The following STRN4 variants were observed in gnomAD, a reference collection of about 807,000 sequenced individuals.
STRN4 encodes striatin 4.
In STRN4, 27 loss-of-function variants were observed where a neutral mutation model predicts 77.9. The ratio of observed to expected loss-of-function variants is 0.35; its 90% CI spans 0.26 to 0.48. The LOEUF (loss-of-function observed/expected upper bound fraction) is 0.48. Ranked by LOEUF, STRN4 falls within the 20% of genes least tolerant of loss-of-function variation. The pLI is 0.99. For missense variants in STRN4, 798 were observed against 1,049.7 expected (o/e 0.76, Z 3.31); for synonymous variants, 466 against 443.1 (o/e 1.05, Z -0.65).
At chr19:46,730,897 G>GT in intron 5 of STRN4, 24 bp from the exon 6 acceptor site, 1 of 1,607,832 alleles carries the variant, frequency 6.2e-7, no homozygotes, top group Admixed American at 1.7e-5. Flanking sequence ...CAGAGCAGAG[G>GT]AGGCATGAGT....
intron 3 of STRN4, 143 bp from the exon 4 acceptor site, chr19:46,737,044 C>A: frequency 1.5e-6 from 1 of 654,774 alleles, no homozygotes; most frequent in East Asian, 3.2e-5. Context: ...TGGAACCCTG[C>A]TCTCTTCCCT....
chr19:46,734,660 C>T (rs527252673), intron 4 of STRN4, among the ~76,000 whole-genome samples: 84 of 152,152 alleles, frequency 5.5e-4, no homozygotes, highest in Non-Finnish European at 9.7e-4. Context: ...GAGAGATGTT[C>T]GTAACTCTTT....
intron 16 of STRN4, 155 bp downstream of exon 16, chr19:46,721,831 G>A (rs1599855932): frequency 1.4e-6 from 1 of 724,004 alleles, no homozygotes; most frequent in Non-Finnish European, 2.3e-6. Context: ...CCAGCGGACT[G>A]TGCTGCCCCC....
intron 6 of STRN4, 47 bp from the exon 7 acceptor site, chr19:46,728,824 A>G (rs1176959313): frequency 1.2e-6 from 2 of 1,604,082 alleles, no homozygotes; most frequent in Non-Finnish European, 1.7e-6. Flanking sequence ...TCTTGTCCAG[A>G]GACTAAGCCA....
intron 6 of STRN4, among the ~76,000 whole-genome samples, chr19:46,729,146 T>G (rs1385277927): frequency 6.6e-6 from 1 of 152,218 alleles, no homozygotes; most frequent in African/African-American, 2.4e-5. Flanking sequence ...TGAGGATGAA[T>G]GGACCACAGC....
rs1250614707 is a variant in STRN4, at chr19:46,733,311, G to A, written c.540-75C>T. 1.3e-5 allele frequency: 19 copies of A among 1,462,594 alleles called. No individual in the cohort carries two copies. The Middle Eastern group carries it at 6.8e-4, about 53-fold the overall frequency. The allele number at this position is 1,462,594 out of a possible 1,614,324, so 90.6% of individuals were successfully genotyped here. On this transcript the variant is annotated intron_variant, in intron 4 of 17. Transcript: ENST00000263280. This position sits in a 1 kb window ranked among gnomAD's most constrained non-coding sequence, Gnocchi z 4.3. ...TGTACCACAGGGGCCAATGCAAACC[G>A]AGACAACCTCTTAAGGGGCCACTTA...
chr19:46,736,842 C>T lies in STRN4; in HGVS notation c.520G>A (p.Gly174Arg). ...ACTCACTGTCGGAGAAGCTGCCGCC[C>T]CTCCTTCCACACCAACGGGCTGTTC... is the stretch of plus-strand genomic sequence containing the variant. ...LENSPLVWKE[G>R]RQLLRQYLEE... Residue 174 changes from glycine (G) to arginine (R), a missense_variant, in exon 4 of 18, where the codon GGG becomes AGG. Gly to Arg is a moderately radical substitution (Grantham distance 125). This residue lies in a region of STRN4 where 511 missense variants were observed against 575.9 expected (regional missense o/e 0.89). Coordinates refer to ENST00000263280, the MANE Select transcript of STRN4 (RefSeq NM_013403.3). 1.2e-6 allele frequency: 2 copies of T among 1,613,382 alleles called. No individual in the cohort carries two copies. Among genetic ancestry groups the T allele is most frequent in the Non-Finnish European group, 1.7e-6 (2 of 1,179,636 alleles).
chr19:46,720,638 A>G lies in STRN4; in HGVS notation c.2226T>C (p.Ser742=). ...CCTTGGCCAGGGCATCAGCGCCAGC[A>G]CTGGCAATGAGGGCCTTGCTGGGGT... The part of the protein sequence containing the change: ...ACHPSKALIA[S]AGADALAKVF... The change falls in exon 17 of 18, where the codon AGT becomes AGC. Residue 742 remains serine, a synonymous_variant. Transcript: ENST00000263280. The G allele has an allele frequency of 6.2e-7, 1 of 1,606,842 alleles. No individual in the cohort carries two copies. Among genetic ancestry groups the G allele is most frequent in the Non-Finnish European group, 8.5e-7 (1 of 1,175,920 alleles).
chr19:46,722,578 C>T (rs1356584965), intron 14 of STRN4, among the ~76,000 whole-genome samples: 1 of 152,200 alleles, frequency 6.6e-6, no homozygotes, highest in Non-Finnish European at 1.5e-5. Context: ...GCCACTCTAC[C>T]AAGAGGGCCC....
At chr19:46,742,764 T>C (rs918908074) in intron 1 of STRN4, among the ~76,000 whole-genome samples, 1 of 152,202 alleles carries the variant, frequency 6.6e-6, no homozygotes, top group Non-Finnish European at 1.5e-5. Flanking sequence ...GGTTTCACCA[T>C]ATCGGCCACG....
In STRN4 at chr19:46,730,786, G is replaced by A. The variant is rs898959364; in HGVS notation, c.825C>T (p.Asp275=). Residue 275 remains aspartate, a synonymous_variant, in exon 6 of 18, where the codon GAC becomes GAT. Coordinates refer to ENST00000263280, the MANE Select transcript of STRN4 (RefSeq NM_013403.3). ...IPFLQNCEDE[D]SDEDDELDSV... Reference sequence around the variant, plus strand: ...TGTCCAGCTCATCGTCCTCGTCGCTGTCTTCGTCCTCGCAGTTCTGCAGGA... The same window carrying A: ...TGTCCAGCTCATCGTCCTCGTCGCTATCTTCGTCCTCGCAGTTCTGCAGGA... 2 of 1,613,042 alleles carry A rather than the reference G, an allele frequency of 1.2e-6. No individual in the cohort carries two copies. Among genetic ancestry groups the A allele is most frequent in the Non-Finnish European group, 8.5e-7 (1 of 1,180,014 alleles).
intron 7 of STRN4, 53 bp downstream of exon 7, chr19:46,728,565 C>CA: frequency 6.3e-7 from 1 of 1,584,076 alleles, no homozygotes; most frequent in Non-Finnish European, 8.6e-7. Flanking sequence ...AGCCTGCTCC[C>CA]ACCCCCTCGG....
chr19:46,743,942 T>TAAAC (rs1206365103), intron 1 of STRN4, among the ~76,000 whole-genome samples: 1 of 151,602 alleles, frequency 6.6e-6, no homozygotes, highest in African/African-American at 2.4e-5. Context: ...AATAAATAAA[T>TAAAC]AAACAAAAGG....
chr19:46,729,493 G>T (rs928242756), intron 6 of STRN4, among the ~76,000 whole-genome samples: 1 of 152,172 alleles, frequency 6.6e-6, no homozygotes. Flanking sequence ...CTGCATGGGG[G>T]GGACCAGAGG....
chr19:46,728,589 C>G, intron 7 of STRN4, 29 bp downstream of exon 7: 3 of 1,601,530 alleles, frequency 1.9e-6, no homozygotes, highest in Non-Finnish European at 2.6e-6. Context: ...GGAAGGCAAG[C>G]GGGGGCTGGC....
rs527361182 is a variant in STRN4, at chr19:46,725,093, C to T, written c.1473-165G>A. Among the ~76,000 whole-genome samples, 20 of 152,274 alleles carry T rather than the reference C, an allele frequency of 1.3e-4. No individual in the cohort carries two copies. The South Asian group carries it at 4.1e-3, about 32-fold the overall frequency. ...GACAAGCTGCCTGTCCCCTGCCCTCCCCCACCCCACCTCCATCTCCTCCCC... is the reference window on the plus strand; with the variant it reads ...GACAAGCTGCCTGTCCCCTGCCCTCTCCCACCCCACCTCCATCTCCTCCCC... On this transcript the variant is annotated intron_variant, in intron 11 of 17. Coordinates refer to ENST00000263280, the MANE Select transcript of STRN4 (RefSeq NM_013403.3).
chr19:46,723,000 C>A, intron 13 of STRN4, 50 bp from the exon 14 acceptor site: 1 of 1,607,938 alleles, frequency 6.2e-7, no homozygotes, highest in South Asian at 1.1e-5. Context: ...CAGACCCAGC[C>A]CTGCCCCAGG....
intron 7 of STRN4, 77 bp downstream of exon 7, chr19:46,728,541 G>C (rs979073472): frequency 7.2e-6 from 11 of 1,529,022 alleles, no homozygotes; most frequent in African/African-American, 1.4e-5. Flanking sequence ...ACAGGAAGCA[G>C]CTGCGGGCAG....
intron 17 of STRN4, 32 bp from the exon 18 acceptor site, chr19:46,720,370 C>T (rs1297764982): frequency 2.4e-6 from 1 of 417,842 alleles, no homozygotes; most frequent in Non-Finnish European, 4.1e-6. Context: ...GGAGACTGAG[C>T]CGCCGCCTCT....
Sources: gnomAD v4.1 joint callset for allele counts (sites outside exome capture counted in the v4.1 genomes callset) on GRCh38, gnomAD v4.1.1 for gene constraint, gnomAD v4.1.1 regional missense constraint, Gnocchi (gnomAD v3.1) non-coding constraint, MANE v1.5 for transcripts, NCBI Gene and HGNC (gene_info 2026-07-23, HGNC 2026-07-21) for gene names.